Variants in SCHIP1 observed in about 807,000 individuals in gnomAD.
SCHIP1 encodes the protein schwannomin-interacting protein 1.
SCHIP1 carries 8 observed loss-of-function variants against 29.7 expected under a neutral mutation model. The observed-to-expected ratio is 0.27, with a 90% CI of 0.16 to 0.49. The LOEUF is 0.49. Among genes scored for constraint, SCHIP1 ranks in the 20% least tolerant of loss-of-function variants. The probability of loss-of-function intolerance (pLI) is 0.99; values close to 1 mark genes in which losing one functional copy is unlikely to be tolerated. For synonymous variants in SCHIP1, 76 were observed against 94.9 expected (o/e 0.80, Z 1.16); for missense variants, 193 against 294.6 (o/e 0.66, Z 2.52).
At chr3:159,430,097 A>C in the SCHIP1 span, among the ~76,000 whole-genome samples, 1 of 152,168 alleles carries the variant, frequency 6.6e-6, no homozygotes, top group African/African-American at 2.4e-5. Context: ...GCATAGGTGA[A>C]ATGACACTTA....
chr3:159,697,861 T>C, the SCHIP1 span, among the ~76,000 whole-genome samples: 2 of 152,256 alleles, frequency 1.3e-5, no homozygotes, highest in African/African-American at 4.8e-5. Context: ...CCAAAGCAGA[T>C]TGCAAGTGCT....
the SCHIP1 span, among the ~76,000 whole-genome samples, chr3:159,665,027 A>G: frequency 6.6e-6 from 1 of 151,730 alleles, no homozygotes; most frequent in African/African-American, 2.4e-5. Context: ...ACCGAGCTGA[A>G]AGATTTCTCC....
chr3:159,694,377 G>A, the SCHIP1 span, among the ~76,000 whole-genome samples: 2 of 151,990 alleles, frequency 1.3e-5, no homozygotes, highest in East Asian at 1.9e-4. Context: ...AAAATTAGCT[G>A]GGCATGGTGG....
the SCHIP1 span, among the ~76,000 whole-genome samples, chr3:159,572,813 A>G: frequency 0.2 from 30,110 of 151,968 alleles, 4,203 homozygotes; most frequent in African/African-American, 0.4. Context: ...TTGGGTGCAT[A>G]TATATTTAGG....
chr3:159,626,453 T>C, the SCHIP1 span, among the ~76,000 whole-genome samples: 1 of 151,894 alleles, frequency 6.6e-6, no homozygotes, highest in African/African-American at 2.4e-5. Flanking sequence ...CCTGCCCATG[T>C]TTCTTGAAGG....
At chr3:159,828,467 A>ATATATG in the SCHIP1 span, among the ~76,000 whole-genome samples, 1 of 141,934 alleles carries the variant, frequency 7.0e-6, no homozygotes, top group East Asian at 2.0e-4. Context: ...ATATATGTAT[A>ATATATG]TATACACACA....
the SCHIP1 span, among the ~76,000 whole-genome samples, chr3:159,600,725 T>C: frequency 4.2e-4 from 64 of 152,334 alleles, no homozygotes; most frequent in East Asian, 0.012. Context: ...TTTGAAGGTG[T>C]CATATTTCCT....
chr3:159,550,257 T>C, the SCHIP1 span, among the ~76,000 whole-genome samples: 1 of 152,112 alleles, frequency 6.6e-6, no homozygotes, highest in African/African-American at 2.4e-5. Context: ...TTATTAGTTA[T>C]GCTTTTCAAA....
chr3:159,426,754 T>C, the SCHIP1 span, among the ~76,000 whole-genome samples: 35 of 152,272 alleles, frequency 2.3e-4, 1 homozygote, highest in East Asian at 4.6e-3. Flanking sequence ...TAGACCGATA[T>C]CCTTGATGAA....
the SCHIP1 span, among the ~76,000 whole-genome samples, chr3:159,733,074 C>A: frequency 6.6e-6 from 1 of 152,040 alleles, no homozygotes; most frequent in Non-Finnish European, 1.5e-5. Flanking sequence ...GTACCACATG[C>A]AGAGAAGAGA....
At chr3:159,744,469 G>C in the SCHIP1 span, among the ~76,000 whole-genome samples, 17 of 152,184 alleles carry the variant, frequency 1.1e-4, no homozygotes, top group Non-Finnish European at 1.9e-4. Context: ...AAAAAATTCT[G>C]TAGGAGTGAG....
chr3:159,457,990 G>C, the SCHIP1 span, among the ~76,000 whole-genome samples: 1,380 of 152,162 alleles, frequency 9.1e-3, 26 homozygotes, highest in African/African-American at 0.032. Context: ...AAAGAATGTT[G>C]GCAAAAATAT....
At chr3:159,296,779 G>GA in the SCHIP1 span, among the ~76,000 whole-genome samples, 304 of 135,498 alleles carry the variant, frequency 2.2e-3, 3 homozygotes, top group South Asian at 0.012. Context: ...GTCTCAAAAA[G>GA]AAAAAAAAAA....
At chr3:159,891,927 T>C (rs755637252) in intron 5 of SCHIP1, among the ~76,000 whole-genome samples, 170 bp from the exon 7 acceptor site, 6 of 152,240 alleles carry the variant, frequency 3.9e-5, no homozygotes, top group Non-Finnish European at 8.8e-5. Flanking sequence ...CCCACACCTC[T>C]ATAATTATGC....
At chr3:159,458,723 T>C in the SCHIP1 span, among the ~76,000 whole-genome samples, 2,807 of 152,256 alleles carry the variant, frequency 0.018, 60 homozygotes, top group African/African-American at 0.039. Context: ...AGAAGAACAG[T>C]TCATGACATT....
At chr3:159,834,812 GT>G in the SCHIP1 span, among the ~76,000 whole-genome samples, 1 of 152,162 alleles carries the variant, frequency 6.6e-6, no homozygotes, top group South Asian at 2.1e-4. Context: ...TTCAGGTGAT[GT>G]GTATAAAGTG....
intron 2 of SCHIP1, among the ~76,000 whole-genome samples, chr3:159,878,374 C>T (rs1230190653): frequency 6.6e-6 from 1 of 151,976 alleles, no homozygotes; most frequent in African/African-American, 2.4e-5. Flanking sequence ...CCAAGCTACT[C>T]GGGAGGCTGA....
At chr3:159,540,594 GCCT>G in the SCHIP1 span, among the ~76,000 whole-genome samples, 1 of 152,004 alleles carries the variant, frequency 6.6e-6, no homozygotes, top group South Asian at 2.1e-4. Flanking sequence ...GCACCTTTTG[GCCT>G]CACCTATATC....
chr3:159,322,871 T>C, the SCHIP1 span, among the ~76,000 whole-genome samples: 1 of 152,198 alleles, frequency 6.6e-6, no homozygotes, highest in African/African-American at 2.4e-5. Flanking sequence ...ATTGAACAGA[T>C]ATGAGGCTAT....
Sources: gnomAD v4.1 joint callset for allele counts (sites outside exome capture counted in the v4.1 genomes callset) on GRCh38, gnomAD v4.1.1 for gene constraint, MANE v1.5 for transcripts, NCBI Gene and HGNC (gene_info 2026-07-23, HGNC 2026-07-21) for gene names.